The following SRD5A2 variants were observed in gnomAD, a reference collection of about 807,000 sequenced individuals.
SRD5A2 encodes steroid 5 alpha-reductase 2, also known as 3-oxo-5-alpha-steroid 4-dehydrogenase 2.
Under a neutral mutation model 27.4 loss-of-function variants are expected in SRD5A2, and 30 were observed. That is an observed-to-expected ratio of 1.10 (90% CI 0.82 to 1.49). The LOEUF is 1.49. Among genes scored for constraint, SRD5A2 ranks in the 40% most tolerant of loss-of-function variants. SRD5A2 has a pLI of 0.00. For synonymous variants in SRD5A2, 141 were observed against 133.6 expected, an observed-to-expected ratio of 1.06 and a Z score of -0.38; for missense variants, 348 against 323.4, an observed-to-expected ratio of 1.08 and a Z score of -0.58.
intron 1 of SRD5A2, among the ~76,000 whole-genome samples, chr2:31,569,932 C>T (rs753725564): frequency 9.2e-5 from 14 of 152,064 alleles, no homozygotes; most frequent in Non-Finnish European, 1.8e-4. Context: ...ACAGTTAAGA[C>T]AAATTACACC....
intron 1 of SRD5A2, among the ~76,000 whole-genome samples, chr2:31,551,639 T>C (rs972099563): frequency 6.6e-6 from 1 of 152,242 alleles, no homozygotes; most frequent in Non-Finnish European, 1.5e-5. Context: ...TGGTTTCTAC[T>C]GAATGCATTT....
intron 4 of SRD5A2, chr2:31,527,067 G>A (rs1049393610): frequency 1.3e-5 from 2 of 152,174 alleles, no homozygotes; most frequent in African/African-American, 4.8e-5. Context: ...TTCTTCCCTA[G>A]AGCCGTCACG....
intron 1 of SRD5A2, among the ~76,000 whole-genome samples, chr2:31,555,750 G>A (rs759862018): frequency 2.6e-5 from 4 of 152,158 alleles, no homozygotes; most frequent in African/African-American, 7.2e-5. Context: ...CAGAAAACAT[G>A]TCCTGATAAT....
Position 31,526,233 on chromosome 2 carries a change from G to A in SRD5A2, c.728C>T (p.Pro243Leu). ...TGGAATAAGGGCTTTCCGAGATTTGGGGTAGTCCTCAAACATCTTGAGGTA... is the reference window on the plus strand; with the variant it reads ...TGGAATAAGGGCTTTCCGAGATTTGAGGTAGTCCTCAAACATCTTGAGGTA... ...RFYLKMFEDY[P>L]KSRKALIPFI... The change falls in exon 5 of 5, where the codon CCC (proline) becomes CTC (leucine). Residue 243 changes from proline to leucine, a missense_variant. Physicochemically the swap from Pro to Leu is moderately conservative, Grantham distance 98. Transcript: ENST00000622030. The A allele has an allele frequency of 6.3e-7, 1 of 1,590,266 alleles. No individual in the cohort carries two copies. The highest frequency in any genetic ancestry group is 8.6e-7 in the Non-Finnish European group (1 of 1,166,980).
chr2:31,624,573 G>C, the SRD5A2 span, among the ~76,000 whole-genome samples: 1 of 151,588 alleles, frequency 6.6e-6, no homozygotes, highest in African/African-American at 2.4e-5. Flanking sequence ...TGTTCTCATT[G>C]TTCAATTCCC....
chr2:31,598,168 T>A, the SRD5A2 span, among the ~76,000 whole-genome samples: 4 of 152,072 alleles, frequency 2.6e-5, no homozygotes, highest in Non-Finnish European at 5.9e-5. Flanking sequence ...TGTAGTTGGA[T>A]ACCATTATTT....
chr2:31,580,488 T>C (rs952022145), intron 1 of SRD5A2, 132 bp downstream of exon 1: 107 of 1,163,734 alleles, frequency 9.2e-5, no homozygotes, highest in Non-Finnish European at 1.2e-4. Flanking sequence ...CCAGGCAGGC[T>C]GGCCTCCGCG....
chr2:31,573,936 G>T (rs1304179255), intron 1 of SRD5A2, among the ~76,000 whole-genome samples: 1 of 152,146 alleles, frequency 6.6e-6, no homozygotes, highest in Non-Finnish European at 1.5e-5. Flanking sequence ...CTAATTCCTG[G>T]ATCTCTCAGT....
At chr2:31,561,636 C>T (rs1666626710) in intron 1 of SRD5A2, among the ~76,000 whole-genome samples, 1 of 152,120 alleles carries the variant, frequency 6.6e-6, no homozygotes, top group Non-Finnish European at 1.5e-5. Flanking sequence ...CACTCAGTAT[C>T]TTTCTTCCTG....
the SRD5A2 span, among the ~76,000 whole-genome samples, chr2:31,636,827 T>C: frequency 6.6e-6 from 1 of 152,166 alleles, no homozygotes; most frequent in Non-Finnish European, 1.5e-5. Context: ...AAATCCTATT[T>C]GATCACGGTA....
At chr2:31,621,813 A>C in the SRD5A2 span, among the ~76,000 whole-genome samples, 1 of 151,824 alleles carries the variant, frequency 6.6e-6, no homozygotes, top group East Asian at 1.9e-4. Context: ...ATTTTTAAAA[A>C]ACTATTTTTT....
At chr2:31,595,608 G>A in the SRD5A2 span, among the ~76,000 whole-genome samples, 2 of 152,112 alleles carry the variant, frequency 1.3e-5, no homozygotes, top group East Asian at 1.9e-4. Context: ...GGACTCACAT[G>A]TGAATTCTGT....
In SRD5A2 at chr2:31,533,625, G is replaced by T; in HGVS notation, c.423C>A (p.Tyr141Ter). The T allele has an allele frequency of 6.4e-7, 1 of 1,552,740 alleles. No homozygotes were observed. The highest frequency in any genetic ancestry group is 1.2e-5 in the South Asian group (1 of 84,084). Residue 141 changes from tyrosine (Y) to a stop codon, truncating the protein, a stop_gained, in exon 2 of 5, where the codon TAC becomes TAA. Coordinates refer to ENST00000622030, the MANE Select transcript of SRD5A2 (RefSeq NM_000348.4). LOFTEE classifies it high-confidence loss of function. ...IYCAEYPDGW[Y>*]TDIRFSLGVF... ...TACCCAAGCTAAACCGTATGTCTGT[G>T]TACCACCCATCAGGGTATTCAGCAC...
chr2:31,549,662 T>G (rs1332500851), intron 1 of SRD5A2, among the ~76,000 whole-genome samples: 2 of 152,194 alleles, frequency 1.3e-5, no homozygotes, highest in Non-Finnish European at 2.9e-5. Context: ...TATATAATGA[T>G]AAAATGGTAA....
At chr2:31,594,130 G>A in the SRD5A2 span, among the ~76,000 whole-genome samples, 1 of 151,968 alleles carries the variant, frequency 6.6e-6, no homozygotes, top group African/African-American at 2.4e-5. Flanking sequence ...ATAAAATCAT[G>A]ACACAATGAA....
chr2:31,563,090 C>T (rs1572649566), intron 1 of SRD5A2: 1 of 152,106 alleles, frequency 6.6e-6, no homozygotes, highest in South Asian at 2.1e-4. Flanking sequence ...AGCCACCTTC[C>T]CAGCTGCAGC....
At chr2:31,647,567 C>T in the SRD5A2 span, among the ~76,000 whole-genome samples, 1,252 of 152,172 alleles carry the variant, frequency 8.2e-3, 18 homozygotes, top group Non-Finnish European at 0.013. Context: ...TTTTGGAAAG[C>T]TAGTTATAAA....
chr2:31,599,575 A>C, the SRD5A2 span, among the ~76,000 whole-genome samples: 1 of 152,062 alleles, frequency 6.6e-6, no homozygotes, highest in South Asian at 2.1e-4. Flanking sequence ...CCAATGAAAA[A>C]TTAAGAAGGA....
At chr2:31,639,648 T>G in the SRD5A2 span, among the ~76,000 whole-genome samples, 3 of 152,034 alleles carry the variant, frequency 2.0e-5, no homozygotes, top group East Asian at 5.8e-4. Context: ...TTTTTTTCTT[T>G]AAGCACCCTA....
Sources: gnomAD v4.1 joint callset for allele counts (sites outside exome capture counted in the v4.1 genomes callset) on GRCh38, gnomAD v4.1.1 for gene constraint, MANE v1.5 for transcripts, NCBI Gene and HGNC (gene_info 2026-07-23, HGNC 2026-07-21) for gene names.